HIF3A: variants seen among roughly 807,000 people sequenced by gnomAD.
HIF3A encodes the protein hypoxia inducible factor 3 subunit alpha.
In HIF3A, 41 loss-of-function variants were observed where a neutral mutation model predicts 67.2. That is an observed-to-expected ratio of 0.61 (90% CI 0.48 to 0.79). The LOEUF (loss-of-function observed/expected upper bound fraction) is 0.79. HIF3A is among the 30% of genes least tolerant of loss of function. The pLI is 0.00. For missense variants in HIF3A, 855 were observed against 898.0 expected, an observed-to-expected ratio of 0.95 and a Z score of 0.61; for synonymous variants, 356 against 374.8, an observed-to-expected ratio of 0.95 and a Z score of 0.58.
chr19:46,301,130 G>A (rs771747793), intron 1 of HIF3A, among the ~76,000 whole-genome samples: 12 of 152,268 alleles, frequency 7.9e-5, no homozygotes, highest in East Asian at 3.9e-4. Context: ...AGGAGGGGAC[G>A]GGGACAGGGG....
At chr19:46,321,664 C>T in intron 9 of HIF3A, 112 bp from the exon 10 acceptor site, 3 of 919,904 alleles carry the variant, frequency 3.3e-6, no homozygotes, top group Non-Finnish European at 5.1e-6. Context: ...GAACAGTGGC[C>T]ATCCTGACCT....
At chr19:46,338,694 C>A (rs1017087785) in intron 14 of HIF3A, among the ~76,000 whole-genome samples, 1 of 152,088 alleles carries the variant, frequency 6.6e-6, no homozygotes, top group African/African-American at 2.4e-5. Context: ...GTTATTAGCC[C>A]GTCTTACAGA....
At chr19:46,333,745 T>TTTTTC (rs1374360082) in intron 13 of HIF3A, among the ~76,000 whole-genome samples, 6 of 151,550 alleles carry the variant, frequency 4.0e-5, no homozygotes, top group African/African-American at 7.3e-5. Context: ...CCTTCCTTTC[T>TTTTTC]TTTTCTTTTC....
intron 1 of HIF3A, chr19:46,298,448 C>G: frequency 7.8e-7 from 1 of 1,288,574 alleles, no homozygotes; most frequent in Non-Finnish European, 1.0e-6. Context: ...CACCCGGGTC[C>G]TGGCTGCACC....
In HIF3A at chr19:46,321,927, C is replaced by T. The variant is rs1392787287; in HGVS notation, c.1296C>T (p.Ser432=). ...LDGASVAATP[S]TPLATRHPQS... The stretch of plus-strand genomic sequence containing the variant: ...GGGCTTCAGTAGCAGCCACTCCCAG[C>T]ACCCCGCTGGCCACACGGCACCCCC... The change falls in exon 10 of 15, where the codon AGC becomes AGT. Residue 432 remains serine, a synonymous_variant. Transcript: ENST00000377670. 1.2e-6 allele frequency: 2 copies of T among 1,613,956 alleles called. No individual in the cohort carries two copies. The highest frequency in any genetic ancestry group is 2.2e-5 in the East Asian group (1 of 44,884).
rs192890667 is a variant in HIF3A, at chr19:46,339,307, A to G, written c.1913-218A>G. Among the ~76,000 whole-genome samples, 15 of 152,382 alleles carry G rather than the reference A, an allele frequency of 9.8e-5. 1 individual carries two copies. Among genetic ancestry groups the G allele is most frequent in the Admixed American group, 6.5e-4 (10 of 15,304 alleles). On this transcript the variant is annotated intron_variant, in intron 14 of 14. Transcript: ENST00000377670. ...TACAAAAACAAGACTTGCGTCAAAA[A>G]TAAAGGCTCTTGTGCCCCTTTGTTC... is the stretch of plus-strand genomic sequence containing the variant.
Position 46,341,052 on chromosome 19 carries a change from C to T in HIF3A, c.*1430C>T, listed in dbSNP as rs1971916566. 1.3e-5 allele frequency: 2 copies of T among 152,174 alleles called. No individual in the cohort carries two copies. The highest frequency in any genetic ancestry group is 6.5e-5 in the Admixed American group (1 of 15,272). 9.4% of individuals were successfully genotyped at this position (152,174 alleles called of 1,614,324 possible). A position where few individuals can be genotyped will look rare whatever the true frequency, so the allele number is the denominator to read the frequency against. ...AATTAATCCCTCTTGTTTTAGATCTCACACCCTCCAACGCCCTCCGGTTCC... is the reference window on the plus strand; with the variant it reads ...AATTAATCCCTCTTGTTTTAGATCTTACACCCTCCAACGCCCTCCGGTTCC... On this transcript the variant is annotated 3_prime_UTR_variant, in exon 15 of 15. Transcript: ENST00000377670.
At chr19:46,305,044 G>T in intron 2 of HIF3A, 1 of 729,902 alleles carries the variant, frequency 1.4e-6, no homozygotes, top group Non-Finnish European at 2.4e-6. Flanking sequence ...ACCCTGGGAG[G>T]CCCTGCTTCT....
intron 1 of HIF3A, among the ~76,000 whole-genome samples, chr19:46,302,231 G>T (rs1276454433): frequency 6.6e-6 from 1 of 152,040 alleles, no homozygotes; most frequent in African/African-American, 2.4e-5. Context: ...CCAGGTTCAA[G>T]CGATTCTCCT....
rs533261951 is a variant in HIF3A, at chr19:46,315,621, G to C, written c.1025+2968G>C. ...TATAGTAACTGTATATTTAATCTAAGAAACTGCCATGGCTGGGCACAGTGG... is the reference window on the plus strand; with the variant it reads ...TATAGTAACTGTATATTTAATCTAACAAACTGCCATGGCTGGGCACAGTGG... On this transcript the variant is annotated intron_variant, in intron 8 of 14. Transcript: ENST00000377670. Among the ~76,000 whole-genome samples, 38 of 152,228 alleles carry C rather than the reference G, an allele frequency of 2.5e-4. No individual in the cohort carries two copies. The South Asian group carries it at 7.9e-3, about 32-fold the overall frequency.
At chr19:46,317,110 G>T (rs1477179881) in intron 8 of HIF3A, among the ~76,000 whole-genome samples, 1 of 152,026 alleles carries the variant, frequency 6.6e-6, no homozygotes, top group African/African-American at 2.4e-5. Flanking sequence ...TTGTAGAGAT[G>T]GAGTTTCATC....
chr19:46,329,381 C>G lies in HIF3A; in HGVS notation c.1615C>G (p.Leu539Val). 6.2e-7 allele frequency: 1 copy of G among 1,611,394 alleles called. No individual in the cohort carries two copies. The highest frequency in any genetic ancestry group is 1.7e-4 in the Middle Eastern group (1 of 6,052). Residue 539 changes from leucine (L) to valine (V), a missense_variant, in exon 12 of 15, where the codon CTG (leucine) becomes GTG (valine). Physicochemically the swap from Leu to Val is conservative, Grantham distance 32. This residue lies in a region of HIF3A where 199 missense variants were observed against 193.8 expected (regional missense o/e 1.03). Coordinates refer to ENST00000377670, the MANE Select transcript of HIF3A (RefSeq NM_152795.4). ...GLSPPALEPS[L>V]LPRWGSDPRL... ...GTCACCTCCAGCCCTTGAGCCCTCCCTGCTACCCCGCTGGGGGAGTGACCC... is the reference window on the plus strand; with the variant it reads ...GTCACCTCCAGCCCTTGAGCCCTCCGTGCTACCCCGCTGGGGGAGTGACCC...
At chr19:46,312,082 T>G (rs1969476764) in intron 6 of HIF3A, 79 bp from the exon 7 acceptor site, 4 of 1,013,920 alleles carry the variant, frequency 3.9e-6, no homozygotes, top group Non-Finnish European at 6.3e-6. Context: ...TCCTGTGTCC[T>G]CTGCTGCTAC....
intron 8 of HIF3A, 31 bp downstream of exon 8, chr19:46,312,684 G>C (rs1969547461): frequency 6.5e-7 from 1 of 1,535,732 alleles, no homozygotes; most frequent in African/African-American, 1.4e-5. Flanking sequence ...GGGTGGCTGT[G>C]TGTGGGCCTG....
In HIF3A at chr19:46,314,919, G is replaced by A. The variant is rs959755893; in HGVS notation, c.1025+2266G>A. Among the ~76,000 whole-genome samples the A allele has an allele frequency of 9.5e-5, 14 of 146,716 alleles. 3 individuals are homozygous for A. The South Asian group carries it at 1.3e-3, about 14-fold the overall frequency. On this transcript the variant is annotated intron_variant, in intron 8 of 14. Coordinates refer to ENST00000377670, the MANE Select transcript of HIF3A (RefSeq NM_152795.4). ...TAGTAAACCCCTCCCACACTCCCAT[G>A]TCCCTGGCAACCACTGTCCTCAGAC...
intron 13 of HIF3A, chr19:46,331,485 C>G: frequency 3.8e-6 from 1 of 266,594 alleles, no homozygotes; most frequent in African/African-American, 2.6e-5. Flanking sequence ...CACTGCACCC[C>G]AGCATGAGCG....
intron 14 of HIF3A, among the ~76,000 whole-genome samples, chr19:46,336,461 G>A (rs757952620): frequency 4.3e-4 from 65 of 151,992 alleles, no homozygotes; most frequent in Non-Finnish European, 6.9e-4. Context: ...CTGTGTCCCC[G>A]GGCTCAAGCG....
At position 46,340,225 on chromosome 19, in the gene HIF3A, C is replaced by G. The variant is rs181070210; in HGVS notation, c.*603C>G. The G allele has an allele frequency of 6.6e-6, 1 of 152,406 alleles. No homozygotes were observed. Among genetic ancestry groups the G allele is most frequent in the Admixed American group, 6.5e-5 (1 of 15,280 alleles). The allele number at this position is 152,406 out of a possible 1,614,324, so 9.4% of individuals were successfully genotyped here. On this transcript the variant is annotated 3_prime_UTR_variant, in exon 15 of 15. Coordinates refer to ENST00000377670, the MANE Select transcript of HIF3A (RefSeq NM_152795.4). ...TCCGATTGAGGCCAAAGACCCCAAG[C>G]TGCCCGCCAGCTCTGACTGCCCCTT...
intron 11 of HIF3A, among the ~76,000 whole-genome samples, chr19:46,326,570 C>T (rs556114371): frequency 1.3e-5 from 2 of 152,210 alleles, no homozygotes; most frequent in South Asian, 4.2e-4. Flanking sequence ...CCAAAGTCTC[C>T]CAAAGTTTCT....
Sources: gnomAD v4.1 joint callset for allele counts (sites outside exome capture counted in the v4.1 genomes callset) on GRCh38, gnomAD v4.1.1 for gene constraint, gnomAD v4.1.1 regional missense constraint, MANE v1.5 for transcripts, NCBI Gene and HGNC (gene_info 2026-07-23, HGNC 2026-07-21) for gene names.